The following BCAS3 variants were observed in gnomAD, a reference collection of about 807,000 sequenced individuals.
BCAS3 encodes BCAS4/BCAS3 fusion.
Under a neutral mutation model 116.1 loss-of-function variants are expected in BCAS3, and 53 were observed. That is an observed-to-expected ratio of 0.46 (90% confidence interval 0.37 to 0.57). The LOEUF is 0.57. BCAS3 is among the 20% of genes least tolerant of loss of function. The probability of loss-of-function intolerance (pLI) is 0.00; values close to 1 mark genes in which losing one functional copy is unlikely to be tolerated. For synonymous variants in BCAS3, 391 were observed against 408.2 expected (o/e 0.96, Z 0.51); for missense variants, 917 against 1,165.4 (o/e 0.79, Z 3.10).
chr17:61,073,257 A>G lies in BCAS3; in HGVS notation c.2030-1663A>G, dbSNP rs1039637915. Among the ~76,000 whole-genome samples the G allele has an allele frequency of 6.6e-6, 1 of 152,202 alleles. No individual in the cohort carries two copies. Among genetic ancestry groups the G allele is most frequent in the African/African-American group, 2.4e-5 (1 of 41,446 alleles). On this transcript the variant is annotated intron_variant, in intron 19 of 23. Coordinates refer to ENST00000407086, the MANE Select transcript of BCAS3 (RefSeq NM_017679.5). This position sits in a 1 kb window ranked among gnomAD's most constrained non-coding sequence, Gnocchi z 4.6. ...CACCATGCCGCTTGGCTGTAGAACTATGATTTTGAAGAACTAGCAGCTAAA... is the reference window on the plus strand; with the variant it reads ...CACCATGCCGCTTGGCTGTAGAACTGTGATTTTGAAGAACTAGCAGCTAAA...
Position 60,868,643 on chromosome 17 carries a change from C to G in BCAS3, c.544C>G (p.Gln182Glu), listed in dbSNP as rs771698366. ...TACTGGGGAGATGGTCAAGTCCATT[C>G]AATTTAAGACACCTATTTATGATCT... ...LRTGEMVKSI[Q>E]FKTPIYDLHC... The change falls in exon 8 of 24, where the codon CAA becomes GAA. Residue 182 changes from glutamine to glutamate, a missense_variant. Coordinates refer to ENST00000407086, the MANE Select transcript of BCAS3 (RefSeq NM_017679.5). 1 of 1,603,164 alleles carries G rather than the reference C, an allele frequency of 6.2e-7. No individual in the cohort carries two copies. Among genetic ancestry groups the G allele is most frequent in the South Asian group, 1.1e-5 (1 of 89,258 alleles).
In BCAS3 at chr17:61,156,255, G is replaced by A. The variant is rs56223016; in HGVS notation, c.2425+71691G>A. Among the ~76,000 whole-genome samples, 589 of 151,940 alleles carry A rather than the reference G, an allele frequency of 3.9e-3. 4 individuals are homozygous for A. The highest frequency in any genetic ancestry group is 0.014 in the African/African-American group (563 of 41,452). On this transcript the variant is annotated intron_variant, in intron 22 of 23. Coordinates refer to ENST00000407086, the MANE Select transcript of BCAS3 (RefSeq NM_017679.5). This position sits in a 1 kb window ranked among gnomAD's most constrained non-coding sequence, Gnocchi z 4.7. ...AAGTTTGGGTCAATGTATTCATTTTGGTCTTCTTTTCAGGGATTGGAATTG... is the reference window on the plus strand; with the variant it reads ...AAGTTTGGGTCAATGTATTCATTTTAGTCTTCTTTTCAGGGATTGGAATTG...
At chr17:60,860,514 G>A (rs2054065790) in intron 7 of BCAS3, among the ~76,000 whole-genome samples, 1 of 152,102 alleles carries the variant, frequency 6.6e-6, no homozygotes, top group Non-Finnish European at 1.5e-5. Flanking sequence ...TGCAATTGTT[G>A]GGATTGCTTT....
intron 22 of BCAS3, among the ~76,000 whole-genome samples, chr17:61,335,571 T>C (rs1010000697): frequency 2.6e-5 from 4 of 152,144 alleles, no homozygotes; most frequent in African/African-American, 7.2e-5. Flanking sequence ...TGCCTTCTCC[T>C]CTGGGTGCTG....
chr17:61,058,610 T>C (rs2069639927), intron 19 of BCAS3, among the ~76,000 whole-genome samples: 1 of 152,228 alleles, frequency 6.6e-6, no homozygotes, highest in African/African-American at 2.4e-5. Context: ...TTATAGTGTA[T>C]GTAAAGTAGC....
Position 61,363,783 on chromosome 17 carries a change from A to C in BCAS3, c.2426-4544A>C, listed in dbSNP as rs1198136678. ...AGTGAGCGTCTTCTCCCTGCTTGAAACTGACCCTTTCCCCTGTAATGGGAC... is the reference window on the plus strand; with the variant it reads ...AGTGAGCGTCTTCTCCCTGCTTGAACCTGACCCTTTCCCCTGTAATGGGAC... On this transcript the variant is annotated intron_variant, in intron 22 of 23. Coordinates refer to ENST00000407086, the MANE Select transcript of BCAS3 (RefSeq NM_017679.5). The surrounding 1 kb of genome is among the most constrained non-coding windows in gnomAD (Gnocchi z 4.9). 1.3e-5 allele frequency among the ~76,000 whole-genome samples: 2 copies of C among 152,024 alleles called. No individual in the cohort carries two copies. Among genetic ancestry groups the C allele is most frequent in the Non-Finnish European group, 2.9e-5 (2 of 67,998 alleles).
rs1476543809 is a variant in BCAS3, at chr17:61,279,137, G to A, written c.2426-89190G>A. On this transcript the variant is annotated intron_variant, in intron 22 of 23. Coordinates refer to ENST00000407086, the MANE Select transcript of BCAS3 (RefSeq NM_017679.5). The surrounding 1 kb of genome is among the most constrained non-coding windows in gnomAD (Gnocchi z 4.4). ...AATTTTTGTATCTTTAGTAGAGACG[G>A]GGTTTTACTGTGTTGGCCAGGCTGG... Among the ~76,000 whole-genome samples, 2 of 151,690 alleles carry A rather than the reference G, an allele frequency of 1.3e-5. No homozygotes were observed. The highest frequency in any genetic ancestry group is 6.6e-5 in the Admixed American group (1 of 15,224).
At chr17:60,783,496 C>A (rs543166483) in intron 6 of BCAS3, among the ~76,000 whole-genome samples, 1 of 152,296 alleles carries the variant, frequency 6.6e-6, no homozygotes, top group African/African-American at 2.4e-5. Flanking sequence ...CGAGCCACTG[C>A]GCCTGACAAT....
chr17:60,692,733 CAAAA>C (rs112569544), intron 4 of BCAS3, among the ~76,000 whole-genome samples: 1 of 121,932 alleles, frequency 8.2e-6, no homozygotes. Context: ...GACTCCATCT[CAAAA>C]AAAAAAAAAA....
At chr17:60,916,579 A>C (rs2058789429) in intron 12 of BCAS3, among the ~76,000 whole-genome samples, 1 of 152,236 alleles carries the variant, frequency 6.6e-6, no homozygotes, top group African/African-American at 2.4e-5. Flanking sequence ...TATCCTTTTT[A>C]ATGAATTTAT....
chr17:60,743,343 G>T (rs1210685376), intron 5 of BCAS3, among the ~76,000 whole-genome samples: 2 of 151,968 alleles, frequency 1.3e-5, no homozygotes, highest in Non-Finnish European at 2.9e-5. Context: ...CTCTTGAGTT[G>T]GGATTATGAC....
At chr17:61,163,825 A>G (rs1421930348) in intron 22 of BCAS3, among the ~76,000 whole-genome samples, 1 of 151,910 alleles carries the variant, frequency 6.6e-6, no homozygotes, top group Admixed American at 6.6e-5. Context: ...CGTCTCTACT[A>G]AAAATACAAA....
At chr17:61,373,177 G>T (rs546625319) in intron 23 of BCAS3, among the ~76,000 whole-genome samples, 1 of 146,502 alleles carries the variant, frequency 6.8e-6, no homozygotes, top group Non-Finnish European at 1.5e-5. Flanking sequence ...TGCAACCTCC[G>T]TCTCTGGGTT....
intron 11 of BCAS3, among the ~76,000 whole-genome samples, chr17:60,904,982 G>A (rs1336748375): frequency 1.4e-4 from 22 of 152,166 alleles, no homozygotes; most frequent in Non-Finnish European, 4.4e-5. Flanking sequence ...CTGGTTTGAT[G>A]AAGCCAGATC....
Position 61,063,834 on chromosome 17 carries a change from A to G in BCAS3, c.2030-11086A>G, listed in dbSNP as rs1283581169. Among the ~76,000 whole-genome samples, 5 of 152,202 alleles carry G rather than the reference A, an allele frequency of 3.3e-5. No individual in the cohort carries two copies. The highest frequency in any genetic ancestry group is 1.2e-4 in the African/African-American group (5 of 41,456). ...AAAGAAGATGAATTTTTTTCCTATC[A>G]AATTGATATGGATGGCCTGGCCACT... On this transcript the variant is annotated intron_variant, in intron 19 of 23. Coordinates refer to ENST00000407086, the MANE Select transcript of BCAS3 (RefSeq NM_017679.5). This position sits in a 1 kb window ranked among gnomAD's most constrained non-coding sequence, Gnocchi z 5.3.
chr17:60,909,635 A>T (rs1222277421), intron 11 of BCAS3, among the ~76,000 whole-genome samples: 1 of 152,092 alleles, frequency 6.6e-6, no homozygotes, highest in African/African-American at 2.4e-5. Context: ...TCTTTATTTT[A>T]GCTTTCTTCC....
chr17:61,214,425 C>G lies in BCAS3; in HGVS notation c.2425+129861C>G, dbSNP rs956775380. 2.0e-5 allele frequency among the ~76,000 whole-genome samples: 3 copies of G among 151,310 alleles called. No homozygotes were observed. Among genetic ancestry groups the G allele is most frequent in the Admixed American group, 2.0e-4 (3 of 15,196 alleles). ...TTAGGCTGGGCGCAGTGGCTCATGCCTGTAATCCCAGCACTTTGCAAGGCC... is the reference window on the plus strand; with the variant it reads ...TTAGGCTGGGCGCAGTGGCTCATGCGTGTAATCCCAGCACTTTGCAAGGCC... On this transcript the variant is annotated intron_variant, in intron 22 of 23. Coordinates refer to ENST00000407086, the MANE Select transcript of BCAS3 (RefSeq NM_017679.5). The surrounding 1 kb of genome is among the most constrained non-coding windows in gnomAD (Gnocchi z 4.4).
intron 7 of BCAS3, among the ~76,000 whole-genome samples, chr17:60,816,296 G>T (rs1477377888): frequency 8.5e-5 from 10 of 118,304 alleles, no homozygotes; most frequent in Non-Finnish European, 1.5e-4. Context: ...TTTTTTTTGA[G>T]ACGGAGTCTT....
chr17:60,972,536 A>G (rs1332397148), intron 14 of BCAS3, among the ~76,000 whole-genome samples: 1 of 148,240 alleles, frequency 6.7e-6, no homozygotes, highest in Non-Finnish European at 1.5e-5. Context: ...GCAGCCTTGA[A>G]CTCCTGGGCT....
Sources: allele counts gnomAD v4.1 joint callset (sites outside exome capture counted in the v4.1 genomes callset), GRCh38; gene constraint gnomAD v4.1.1; non-coding constraint Gnocchi (gnomAD v3.1); transcripts MANE v1.5; gene names NCBI Gene and HGNC (gene_info 2026-07-23, HGNC 2026-07-21).